CPSF3: variants seen among roughly 807,000 people sequenced by gnomAD.
CPSF3 encodes cleavage and polyadenylation specificity factor subunit 3.
In CPSF3, 57 loss-of-function variants were observed where a neutral mutation model predicts 84.1. The ratio of observed to expected loss-of-function variants is 0.68; its 90% CI spans 0.55 to 0.85. The LOEUF is 0.85. Ranked by LOEUF, CPSF3 falls within the 40% of genes least tolerant of loss-of-function variation. The pLI, the probability that CPSF3 is intolerant of heterozygous loss-of-function variation, is 0.00. For synonymous variants in CPSF3, 275 were observed against 278.1 expected (o/e 0.99, Z 0.11); for missense variants, 522 against 838.8 (o/e 0.62, Z 4.66).
intron 11 of CPSF3, 98 bp downstream of exon 11, chr2:9,448,448 T>C (rs138004683): frequency 1.2e-4 from 124 of 1,016,778 alleles, no homozygotes; most frequent in Non-Finnish European, 1.6e-4. Context: ...AGAATATGCT[T>C]ATTTCTGTCT....
At chr2:9,454,001 T>C (rs891469923) in intron 12 of CPSF3, among the ~76,000 whole-genome samples, 2 of 152,254 alleles carry the variant, frequency 1.3e-5, no homozygotes, top group Non-Finnish European at 2.9e-5. Context: ...TTTATAAATT[T>C]ACTGAGCCAT....
intron 9 of CPSF3, 139 bp from the exon 10 acceptor site, chr2:9,443,376 G>T: frequency 5.5e-6 from 4 of 721,140 alleles, no homozygotes; most frequent in East Asian, 5.3e-5. Context: ...GATATTTACT[G>T]AGTCAGTTAT....
intron 1 of CPSF3, chr2:9,424,116 A>G (rs1282253566): frequency 8.6e-7 from 1 of 1,162,556 alleles, no homozygotes; most frequent in Non-Finnish European, 1.1e-6. Flanking sequence ...ACACGCTAAG[A>G]AGCGTTTTCA....
chr2:9,441,247 G>A (rs1036070021), intron 8 of CPSF3, among the ~76,000 whole-genome samples: 5 of 152,082 alleles, frequency 3.3e-5, no homozygotes, highest in African/African-American at 1.2e-4. Context: ...TGTTTAACTC[G>A]ATGCTTGAAT....
chr2:9,425,920 C>T (rs1328960574), intron 1 of CPSF3, among the ~76,000 whole-genome samples: 1 of 152,222 alleles, frequency 6.6e-6, no homozygotes, highest in Non-Finnish European at 1.5e-5. Flanking sequence ...ATCCCCACTA[C>T]CTCTCCAGCC....
At chr2:9,441,429 G>A (rs577991925) in intron 8 of CPSF3, among the ~76,000 whole-genome samples, 2 of 152,324 alleles carry the variant, frequency 1.3e-5, no homozygotes, top group South Asian at 4.1e-4. Context: ...CATGCATGGA[G>A]CATGCAAAGC....
intron 1 of CPSF3, among the ~76,000 whole-genome samples, chr2:9,426,023 G>A (rs11688786): frequency 0.033 from 4,953 of 152,210 alleles, 257 homozygotes; most frequent in African/African-American, 0.11. Flanking sequence ...TTTGTCTCTG[G>A]CATCTTTCAT....
chr2:9,461,743 CTTTTT>C (rs530424404), intron 15 of CPSF3, among the ~76,000 whole-genome samples: 1 of 105,274 alleles, frequency 9.5e-6, no homozygotes, highest in Non-Finnish European at 1.8e-5. Flanking sequence ...GAAGGAGGAT[CTTTTT>C]TTTTTTTTTT....
chr2:9,432,992 G>A (rs760720291), intron 5 of CPSF3, among the ~76,000 whole-genome samples: 2 of 152,202 alleles, frequency 1.3e-5, no homozygotes, highest in Non-Finnish European at 2.9e-5. Flanking sequence ...AAACTGGTTA[G>A]GGAAGAGGTG....
intron 10 of CPSF3, 35 bp downstream of exon 10, chr2:9,443,696 G>T: frequency 6.2e-7 from 1 of 1,601,680 alleles, no homozygotes; most frequent in Non-Finnish European, 8.5e-7. Flanking sequence ...GTATTAAAGG[G>T]AAAAAAAGTG....
chr2:9,470,845 T>C (rs950656452), intron 16 of CPSF3, among the ~76,000 whole-genome samples: 1 of 152,262 alleles, frequency 6.6e-6, no homozygotes, highest in African/African-American at 2.4e-5. Context: ...TAGATCATTC[T>C]TGAATAAAGC....
At chr2:9,445,329 T>C (rs1215701939) in intron 10 of CPSF3, among the ~76,000 whole-genome samples, 1 of 152,222 alleles carries the variant, frequency 6.6e-6, no homozygotes, top group African/African-American at 2.4e-5. Flanking sequence ...CCGTTATATG[T>C]AGACCACATG....
At chr2:9,464,382 T>C (rs1572806531) in intron 15 of CPSF3, among the ~76,000 whole-genome samples, 1 of 152,162 alleles carries the variant, frequency 6.6e-6, no homozygotes, top group East Asian at 1.9e-4. Context: ...ACGTAAACTT[T>C]GGAAAGTTTC....
rs183218021 is a variant in CPSF3 at position 9,468,046 on chromosome 2, G to A, written c.1856+270G>A. 2.6e-4 allele frequency: 86 copies of A among 335,202 alleles called. 1 individual carries two copies. In the East Asian group the frequency reaches 3.5e-3, roughly 14 times the overall value. 20.8% of individuals were successfully genotyped at this position (335,202 alleles called of 1,614,324 possible). On this transcript the variant is annotated intron_variant, in intron 16 of 17. Coordinates refer to ENST00000238112, the MANE Select transcript of CPSF3 (RefSeq NM_016207.4). ...CACAGGGCTGGCACAGTTAGCAAGC[G>A]TTAAAACATTCTCATCAAGGACAAG...
intron 15 of CPSF3, among the ~76,000 whole-genome samples, chr2:9,462,788 T>C (rs892621944): frequency 5.3e-5 from 8 of 152,210 alleles, no homozygotes; most frequent in African/African-American, 1.7e-4. Context: ...ATAAAAACAT[T>C]CCTTCCTTTG....
chr2:9,459,638 CTTTTTTTT>C lies in CPSF3; in HGVS notation c.1786+41_1786+48del, dbSNP rs543727439. On this transcript the variant is annotated intron_variant, in intron 15 of 17. Coordinates refer to ENST00000238112, the MANE Select transcript of CPSF3 (RefSeq NM_016207.4). ...GAAAAGGTAAGAGTTCATTTTTATC[CTTTTTTTT>C]TTTTTTTTTTTTTTTTTTTTGGAGA... The C allele has an allele frequency of 4.4e-4, 136 of 310,392 alleles. No homozygotes were observed. Among genetic ancestry groups the C allele is most frequent in the Middle Eastern group, 8.2e-4 (1 of 1,216 alleles). The allele number at this position is 310,392 out of a possible 1,614,324, so 19.2% of individuals were successfully genotyped here.
At chr2:9,465,202 A>G (rs1681859637) in intron 15 of CPSF3, among the ~76,000 whole-genome samples, 1 of 152,208 alleles carries the variant, frequency 6.6e-6, no homozygotes, top group Non-Finnish European at 1.5e-5. Context: ...AAAAAGTCAT[A>G]GTGTTACATG....
intron 16 of CPSF3, 118 bp downstream of exon 16, chr2:9,467,894 C>A: frequency 1.4e-6 from 1 of 729,674 alleles, no homozygotes; most frequent in Non-Finnish European, 2.3e-6. Context: ...CACTGCCATG[C>A]TCGGAGGCCT....
rs530424404 is a variant in CPSF3 at position 9,461,743 on chromosome 2, C to CT, written c.1786+2149dup. The stretch of plus-strand genomic sequence containing the variant: ...AGGTGTGCAGGGTGGGAAGGAGGAT[C>CT]TTTTTTTTTTTTTTTTTTTTTTTTA... On this transcript the variant is annotated intron_variant, in intron 15 of 17. Transcript: ENST00000238112. Among the ~76,000 whole-genome samples, 664 of 105,272 alleles carry CT rather than the reference C, an allele frequency of 6.3e-3. 5 individuals are homozygous for CT. Among genetic ancestry groups the CT allele is most frequent in the African/African-American group, 0.017 (436 of 26,282 alleles). 69.1% of individuals were successfully genotyped at this position (105,272 alleles called of 152,430 possible).
Sources: allele counts gnomAD v4.1 joint callset (sites outside exome capture counted in the v4.1 genomes callset), GRCh38; gene constraint gnomAD v4.1.1; transcripts MANE v1.5; gene names NCBI Gene and HGNC (gene_info 2026-07-23, HGNC 2026-07-21).